Variants in HDAC4 observed in about 807,000 individuals in gnomAD.
HDAC4 encodes histone deacetylase 4.
A neutral mutation model predicts 135.1 loss-of-function variants in HDAC4; 16 were observed. The ratio of observed to expected loss-of-function variants is 0.12; its 90% CI spans 0.08 to 0.18. HDAC4 has a LOEUF of 0.18. HDAC4 is among the 10% of genes least tolerant of loss of function. The pLI, the probability that HDAC4 is intolerant of heterozygous loss-of-function variation, is 1.00. For missense variants in HDAC4, 1,143 were observed against 1,511.8 expected, an observed-to-expected ratio of 0.76 and a Z score of 4.05; for synonymous variants, 685 against 653.4, an observed-to-expected ratio of 1.05 and a Z score of -0.74.
chr2:239,118,947 C>T (rs1559463577), intron 12 of HDAC4, among the ~76,000 whole-genome samples: 1 of 152,178 alleles, frequency 6.6e-6, no homozygotes, highest in Non-Finnish European at 1.5e-5. Flanking sequence ...CTGTGGGGGG[C>T]AGGGAGAACA....
intron 13 of HDAC4, among the ~76,000 whole-genome samples, chr2:239,112,288 G>C (rs2038747670): frequency 6.6e-6 from 1 of 152,226 alleles, no homozygotes; most frequent in Non-Finnish European, 1.5e-5. Context: ...TGTTGGGTTT[G>C]TGGGTCTTAG....
chr2:239,114,678 C>T (rs1451894219), intron 13 of HDAC4, among the ~76,000 whole-genome samples: 1 of 152,188 alleles, frequency 6.6e-6, no homozygotes, highest in East Asian at 1.9e-4. Flanking sequence ...GCCCTGCCTG[C>T]CTTTTTGATC....
At chr2:239,275,481 C>A (rs1453122221) in intron 2 of HDAC4, among the ~76,000 whole-genome samples, 1 of 152,194 alleles carries the variant, frequency 6.6e-6, no homozygotes, top group Non-Finnish European at 1.5e-5. Flanking sequence ...ACACGGAGCT[C>A]TGCAAATGTG....
At chr2:239,202,835 C>A (rs971295118) in intron 3 of HDAC4, among the ~76,000 whole-genome samples, 1 of 152,202 alleles carries the variant, frequency 6.6e-6, no homozygotes, top group African/African-American at 2.4e-5. Context: ...CAGGATGCCA[C>A]GAGTGTGTCC....
chr2:239,196,571 C>T (rs868495318), intron 3 of HDAC4, among the ~76,000 whole-genome samples: 11 of 152,218 alleles, frequency 7.2e-5, no homozygotes, highest in African/African-American at 2.2e-4. Flanking sequence ...CCGAGTCTGC[C>T]GTCAGCTTCT....
chr2:239,336,623 A>T (rs1255990257), intron 2 of HDAC4, among the ~76,000 whole-genome samples: 2 of 152,236 alleles, frequency 1.3e-5, no homozygotes, highest in African/African-American at 2.4e-5. Flanking sequence ...CTATAAATGT[A>T]CTTCATTTTG....
intron 2 of HDAC4, among the ~76,000 whole-genome samples, chr2:239,341,207 T>C (rs558461023): frequency 3.3e-5 from 5 of 152,358 alleles, no homozygotes; most frequent in African/African-American, 4.8e-5. Flanking sequence ...TCCCCGATCC[T>C]TTCACAAAAA....
chr2:239,230,368 C>CAAAAAAAAAAAAAAAAAAAAAAAAAGAA (rs56105562), intron 3 of HDAC4, among the ~76,000 whole-genome samples: 1 of 79,394 alleles, frequency 1.3e-5, no homozygotes, highest in South Asian at 4.6e-4. Flanking sequence ...AGCAAGCAAG[C>CAAAAAAAAAAAAAAAAAAAAAAAAAGAA]AAAAAAAAAA....
chr2:239,353,576 C>G (rs1035572925), intron 1 of HDAC4, among the ~76,000 whole-genome samples: 1 of 152,120 alleles, frequency 6.6e-6, no homozygotes. Flanking sequence ...CAGCATCTTC[C>G]AGGTCATGAC....
rs1187929498 is a variant in HDAC4 at position 239,051,313 on chromosome 2, C to T, written c.*1784G>A. On this transcript the variant is annotated 3_prime_UTR_variant, in exon 27 of 27. Transcript: ENST00000543185. ...TGTCACTCCGAAAAGACCTACGGTC[C>T]CTCCTCTCACTTTCTGAAAATAGAA... 6.6e-6 allele frequency: 1 copy of T among 152,214 alleles called. No individual in the cohort carries two copies. Among genetic ancestry groups the T allele is most frequent in the East Asian group, 1.9e-4 (1 of 5,198 alleles). 9.4% of individuals were successfully genotyped at this position (152,214 alleles called of 1,614,324 possible).
At chr2:239,298,344 C>A in intron 2 of HDAC4, 1 of 1,205,038 alleles carries the variant, frequency 8.3e-7, no homozygotes, top group Non-Finnish European at 1.1e-6. Flanking sequence ...AGAGAAGATG[C>A]TTCCAGAACC....
Position 239,297,667 on chromosome 2 carries a change from G to A in HDAC4, c.22+55011C>T, listed in dbSNP as rs192602905. On this transcript the variant is annotated intron_variant, in intron 2 of 26. Coordinates refer to ENST00000543185, the MANE Select transcript of HDAC4 (RefSeq NM_001378414.1). ...CCCCAATGGTAGCGCCCATCACAGT[G>A]CCAAGGACTTGCCTCGGGATTGCAC... Among the ~76,000 whole-genome samples the A allele has an allele frequency of 2.0e-4, 31 of 152,332 alleles. 1 individual carries two copies. The East Asian group carries it at 6.0e-3, about 29-fold the overall frequency.
intron 1 of HDAC4, among the ~76,000 whole-genome samples, chr2:239,369,235 T>C (rs1310751858): frequency 6.6e-6 from 1 of 152,166 alleles, no homozygotes; most frequent in Non-Finnish European, 1.5e-5. Context: ...TCCCCTTTCA[T>C]CTTTCCAGGT....
chr2:239,305,237 G>T (rs1000953300), intron 2 of HDAC4, among the ~76,000 whole-genome samples: 2 of 152,232 alleles, frequency 1.3e-5, no homozygotes, highest in Admixed American at 6.5e-5. Context: ...CAAGCAGTCG[G>T]TTTTCATCCA....
rs574402741 is a variant in HDAC4, at chr2:239,310,153, T to C, written c.22+42525A>G. Among the ~76,000 whole-genome samples, 286 of 152,358 alleles carry C rather than the reference T, an allele frequency of 1.9e-3. 3 individuals are homozygous for C. Among genetic ancestry groups the C allele is most frequent in the Middle Eastern group, 3.4e-3 (1 of 294 alleles). ...ATGGTCCGTGGCAGTCATTCAGCCT[T>C]GGAGTGAACCGTTCTGCCCAAGTGC... is the stretch of plus-strand genomic sequence containing the variant. On this transcript the variant is annotated intron_variant, in intron 2 of 26. Transcript: ENST00000543185.
At chr2:239,201,576 G>A (rs2045758271) in intron 3 of HDAC4, among the ~76,000 whole-genome samples, 1 of 152,154 alleles carries the variant, frequency 6.6e-6, no homozygotes. Context: ...AAAAGCTCCT[G>A]GGGCTGTGGC....
intron 16 of HDAC4, among the ~76,000 whole-genome samples, chr2:239,095,612 T>C (rs2036945990): frequency 6.6e-6 from 1 of 152,170 alleles, no homozygotes; most frequent in East Asian, 1.9e-4. Flanking sequence ...TACAGCTGAC[T>C]GAGGGCTCCA....
At chr2:239,193,045 G>A (rs1450572335) in intron 3 of HDAC4, among the ~76,000 whole-genome samples, 2 of 152,194 alleles carry the variant, frequency 1.3e-5, no homozygotes, top group Non-Finnish European at 2.9e-5. Context: ...ATAAGCACAG[G>A]GAATAAGTAA....
chr2:239,143,625 G>A (rs1008645168), intron 8 of HDAC4, among the ~76,000 whole-genome samples: 1 of 152,210 alleles, frequency 6.6e-6, no homozygotes, highest in Non-Finnish European at 1.5e-5. Flanking sequence ...GTAGAGAGGG[G>A]ACAGGGCACG....
Sources: allele counts gnomAD v4.1 joint callset (sites outside exome capture counted in the v4.1 genomes callset), GRCh38; gene constraint gnomAD v4.1.1; transcripts MANE v1.5; gene names NCBI Gene and HGNC (gene_info 2026-07-23, HGNC 2026-07-21).